Variants in GTF2E1 observed in about 807,000 individuals in gnomAD.
GTF2E1 encodes general transcription factor IIE subunit 1.
In GTF2E1, 14 loss-of-function variants were observed where a neutral mutation model predicts 34.9. That is an observed-to-expected ratio of 0.40 (90% CI 0.27 to 0.63). The LOEUF is 0.63. Among genes scored for constraint, GTF2E1 ranks in the 20% least tolerant of loss-of-function variants. The pLI is 0.39. For synonymous variants in GTF2E1, 188 were observed against 192.9 expected (o/e 0.97, Z 0.21); for missense variants, 469 against 557.7 (o/e 0.84, Z 1.60).
rs1438718747 is a variant in GTF2E1 at position 120,776,561 on chromosome 3, T to C, written c.789T>C (p.Asp263=). Reference sequence around the variant, plus strand: ...TCATTAACATGGATGACCAAGAAGATCTTCATCGAGCCTCACTGGAAGGGA... The same window carrying C: ...TCATTAACATGGATGACCAAGAAGACCTTCATCGAGCCTCACTGGAAGGGA... The part of the protein sequence containing the change: ...NVVINMDDQE[D]LHRASLEGKS... The change falls in exon 4 of 5, where the codon GAT becomes GAC. Residue 263 remains aspartate, a synonymous_variant. Transcript: ENST00000283875. 6.2e-7 allele frequency: 1 copy of C among 1,613,900 alleles called. No individual in the cohort carries two copies.
chr3:120,760,713 G>A (rs1485703950), intron 2 of GTF2E1, among the ~76,000 whole-genome samples: 1 of 152,096 alleles, frequency 6.6e-6, no homozygotes, highest in Non-Finnish European at 1.5e-5. Flanking sequence ...TTCTGTTTAT[G>A]TGATGGATTA....
At chr3:120,775,276 A>G (rs1026810597) in intron 3 of GTF2E1, among the ~76,000 whole-genome samples, 2 of 152,186 alleles carry the variant, frequency 1.3e-5, no homozygotes, top group African/African-American at 2.4e-5. Context: ...CACAGGAGAT[A>G]ATTCAGGATC....
chr3:120,748,374 A>C (rs1164582515), intron 1 of GTF2E1, among the ~76,000 whole-genome samples: 2 of 152,100 alleles, frequency 1.3e-5, no homozygotes, highest in Admixed American at 6.5e-5. Flanking sequence ...TAGGGTTTTT[A>C]TGGTTTTAGG....
rs185804815 is a variant in GTF2E1, at chr3:120,782,347, A to G, written c.*877A>G. 6.6e-6 allele frequency: 1 copy of G among 152,332 alleles called. No individual in the cohort carries two copies. The highest frequency in any genetic ancestry group is 1.9e-4 in the East Asian group (1 of 5,190). 9.4% of individuals were successfully genotyped at this position (152,332 alleles called of 1,614,324 possible). On this transcript the variant is annotated 3_prime_UTR_variant, in exon 5 of 5. Transcript: ENST00000283875. ...GAGTCTTATGATTAATGTCTAAACC[A>G]GAATTTGTGTCTTTAGAACTGACCA...
rs200025847 is a variant in GTF2E1 at position 120,750,598 on chromosome 3, C to T, written c.46C>T (p.Arg16Trp). 17 of 1,613,632 alleles carry T rather than the reference C, an allele frequency of 1.1e-5. No homozygotes were observed. The highest frequency in any genetic ancestry group is 2.7e-5 in the African/African-American group (2 of 74,868). The change falls in exon 2 of 5, where the codon CGG (arginine) becomes TGG (tryptophan). Residue 16 changes from arginine to tryptophan, a missense_variant. By Grantham distance (101) the Arg-to-Trp change is moderately radical. Transcript: ENST00000283875. ...CACTGAAGTTCCAGCAGCATTGAAGCGGTTAGCCAAGTATGTGATCCGGGG... is the reference window on the plus strand; with the variant it reads ...CACTGAAGTTCCAGCAGCATTGAAGTGGTTAGCCAAGTATGTGATCCGGGG... ...VLTEVPAALK[R>W]LAKYVIRGFY... is the part of the protein sequence containing the mutation.
intron 2 of GTF2E1, among the ~76,000 whole-genome samples, chr3:120,758,769 C>T (rs1477033232): frequency 6.6e-6 from 1 of 152,176 alleles, no homozygotes; most frequent in African/African-American, 2.4e-5. Context: ...TTTATGGCTG[C>T]ATAGTATTCC....
rs141934959 is a variant in GTF2E1, at chr3:120,757,707, C to T, written c.448+6707C>T. Among the ~76,000 whole-genome samples the T allele has an allele frequency of 1.0e-3, 154 of 152,156 alleles. 2 individuals carry two copies. In the East Asian group the frequency reaches 0.024, roughly 23 times the overall value. On this transcript the variant is annotated intron_variant, in intron 2 of 4. Coordinates refer to ENST00000283875, the MANE Select transcript of GTF2E1 (RefSeq NM_005513.3). ...TCAAAATTACATTTTAATAGATATT[C>T]CCCCGAACATTATGAGTTATAAAAA...
chr3:120,746,754 C>T (rs1212040069), intron 1 of GTF2E1, among the ~76,000 whole-genome samples: 2 of 152,124 alleles, frequency 1.3e-5, no homozygotes, highest in African/African-American at 4.8e-5. Context: ...AGCCAAGTCA[C>T]ACCACCGAAC....
chr3:120,756,272 G>C (rs1215987165), intron 2 of GTF2E1, among the ~76,000 whole-genome samples: 1 of 152,130 alleles, frequency 6.6e-6, no homozygotes, highest in Non-Finnish European at 1.5e-5. Context: ...GCCAGCATTT[G>C]TTATTGCCAG....
At chr3:120,748,120 G>T (rs1227292244) in intron 1 of GTF2E1, among the ~76,000 whole-genome samples, 2 of 152,054 alleles carry the variant, frequency 1.3e-5, no homozygotes, top group Non-Finnish European at 2.9e-5. Flanking sequence ...TTGTAAATTT[G>T]TTTGAGTTCG....
In GTF2E1 at chr3:120,776,548, A is replaced by G; in HGVS notation, c.776A>G (p.Asp259Gly). 1 of 1,614,060 alleles carries G rather than the reference A, an allele frequency of 6.2e-7. No individual in the cohort carries two copies. Among genetic ancestry groups the G allele is most frequent in the Non-Finnish European group, 8.5e-7 (1 of 1,179,950 alleles). Residue 259 changes from aspartate (D) to glycine (G), a missense_variant, in exon 4 of 5, where the codon GAT (aspartate) becomes GGT (glycine). Physicochemically the swap from Asp to Gly is moderately conservative, Grantham distance 94. Transcript: ENST00000283875. ...LYTQNVVINM[D>G]DQEDLHRASL... ...ACTCAGAATGTTGTCATTAACATGG[A>G]TGACCAAGAAGATCTTCATCGAGCC...
chr3:120,775,791 G>C (rs955324033), intron 3 of GTF2E1, among the ~76,000 whole-genome samples: 5 of 152,190 alleles, frequency 3.3e-5, no homozygotes, highest in African/African-American at 9.6e-5. Context: ...TGGATACAGA[G>C]TATCAGCATA....
At chr3:120,771,618 A>G (rs1290101586) in intron 3 of GTF2E1, among the ~76,000 whole-genome samples, 2 of 151,862 alleles carry the variant, frequency 1.3e-5, no homozygotes, top group Non-Finnish European at 2.9e-5. Flanking sequence ...TTTAACCTTC[A>G]CTTCACCCAC....
intron 1 of GTF2E1, chr3:120,743,100 T>A (rs1175987671): frequency 1.3e-5 from 2 of 155,976 alleles, no homozygotes; most frequent in African/African-American, 2.4e-5. Context: ...GGAGGGCAGC[T>A]GGGTCCGGAG....
intron 3 of GTF2E1, among the ~76,000 whole-genome samples, chr3:120,775,093 T>C (rs1181567789): frequency 6.6e-6 from 1 of 152,054 alleles, no homozygotes; most frequent in Non-Finnish European, 1.5e-5. Flanking sequence ...GACACAGACC[T>C]CAGCTAAGTA....
At chr3:120,755,110 G>T (rs1292428269) in intron 2 of GTF2E1, among the ~76,000 whole-genome samples, 1 of 152,124 alleles carries the variant, frequency 6.6e-6, no homozygotes, top group Admixed American at 6.6e-5. Flanking sequence ...TGATAATTAA[G>T]TAAGTGTCTA....
intron 1 of GTF2E1, among the ~76,000 whole-genome samples, chr3:120,748,114 A>G (rs576999760): frequency 1.3e-5 from 2 of 151,948 alleles, no homozygotes; most frequent in East Asian, 3.9e-4. Context: ...TTTTTCTTGT[A>G]AATTTGTTTG....
At position 120,742,771 on chromosome 3, in the gene GTF2E1, G is replaced by C. The variant is rs1441455638; in HGVS notation, c.-54G>C. ...TTGAAGCGCTGGGGGCAGCTGTAGT[G>C]GGAGTGTTCCAGGATTCGCCTTGGT... On this transcript the variant is annotated 5_prime_UTR_variant, in exon 1 of 5. Transcript: ENST00000283875. The C allele has an allele frequency of 3.8e-6, 2 of 529,888 alleles. No individual in the cohort carries two copies. Among genetic ancestry groups the C allele is most frequent in the Non-Finnish European group, 6.8e-6 (2 of 293,298 alleles). The allele number at this position is 529,888 out of a possible 1,614,324, so 32.8% of individuals were successfully genotyped here. A position where few individuals can be genotyped will look rare whatever the true frequency, so the allele number is the denominator to read the frequency against.
chr3:120,769,313 C>T (rs1307356621), intron 2 of GTF2E1, among the ~76,000 whole-genome samples: 2 of 151,896 alleles, frequency 1.3e-5, no homozygotes, highest in African/African-American at 2.4e-5. Flanking sequence ...CTATCAGGTA[C>T]GCACCTGTAG....
Sources: allele counts gnomAD v4.1 joint callset (sites outside exome capture counted in the v4.1 genomes callset), GRCh38; gene constraint gnomAD v4.1.1; transcripts MANE v1.5; gene names NCBI Gene and HGNC (gene_info 2026-07-23, HGNC 2026-07-21).